The following KNL1 variants were observed in gnomAD, a reference collection of about 807,000 sequenced individuals.
KNL1 encodes the protein kinetochore scaffold 1, also known as outer kinetochore KNL1 complex subunit KNL1.
A neutral mutation model predicts 201.3 loss-of-function variants in KNL1; 66 were observed. The ratio of observed to expected loss-of-function variants is 0.33; its 90% CI spans 0.27 to 0.40. The LOEUF (loss-of-function observed/expected upper bound fraction) is 0.40. Among genes scored for constraint, KNL1 ranks in the 10% least tolerant of loss-of-function variants. The pLI, the probability that KNL1 is intolerant of heterozygous loss-of-function variation, is 1.00. For missense variants in KNL1, 2,815 were observed against 2,690.5 expected (o/e 1.05, Z -1.02); for synonymous variants, 895 against 899.2 (o/e 1.00, Z 0.08).
In KNL1 at chr15:40,624,848, A is replaced by G. The variant is rs776396431; in HGVS notation, c.4584A>G (p.Val1528=). The change falls in exon 10 of 26, where the codon GTA becomes GTG. Residue 1528 remains valine (V), a synonymous_variant. Coordinates refer to ENST00000399668, the MANE Select transcript of KNL1 (RefSeq NM_144508.5). ...TALDFHSNSD[V]TKQVIQTHVN... is the part of the protein sequence containing the mutation. ...TAGATTTCCACAGTAACTCAGACGT[A>G]ACTAAGCAAGTCATTCAAACTCATG... 11 of 1,612,810 alleles carry G rather than the reference A, an allele frequency of 6.8e-6. No homozygotes were observed. Among genetic ancestry groups the G allele is most frequent in the Non-Finnish European group, 9.3e-6 (11 of 1,179,860 alleles).
chr15:40,628,261 T>C, intron 11 of KNL1, 53 bp downstream of exon 11: 1 of 1,510,870 alleles, frequency 6.6e-7, no homozygotes, highest in Non-Finnish European at 8.9e-7. Context: ...ACTTAACTAA[T>C]AATAAGTAGT....
chr15:40,600,075 CTTT>C (rs10706832), intron 1 of KNL1, among the ~76,000 whole-genome samples: 46 of 100,142 alleles, frequency 4.6e-4, no homozygotes, highest in Non-Finnish European at 5.2e-4. Context: ...TTTGGGATTC[CTTT>C]TTTTTTTTTT....
At position 40,664,115 on chromosome 15, in the gene KNL1, T is replaced by C; in HGVS notation, c.*1927T>C. The stretch of plus-strand genomic sequence containing the variant: ...AGTCTGAAAAGTAGAGATTTTGTTT[T>C]ACGCATTTTAGTAACCTGCAACAAC... On this transcript the variant is annotated 3_prime_UTR_variant, in exon 26 of 26. Transcript: ENST00000399668. 5.4e-6 allele frequency: 1 copy of C among 184,292 alleles called. No individual in the cohort carries two copies. The highest frequency in any genetic ancestry group is 1.2e-5 in the Non-Finnish European group (1 of 86,740). The allele number at this position is 184,292 out of a possible 1,614,324, so 11.4% of individuals were successfully genotyped here. A position where few individuals can be genotyped will look rare whatever the true frequency, so the allele number is the denominator to read the frequency against.
chr15:40,622,737 A>G lies in KNL1; in HGVS notation c.2473A>G (p.Met825Val), dbSNP rs754075585. The change falls in exon 10 of 26, where the codon ATG becomes GTG. Residue 825 changes from methionine (M) to valine (V), a missense_variant. This residue lies in a region of KNL1 where 2,464 missense variants were observed against 2,291.7 expected (regional missense o/e 1.08). Coordinates refer to ENST00000399668, the MANE Select transcript of KNL1 (RefSeq NM_144508.5). ...KSGVLKSNCI[M>V]DVLEDESVQK... ...TGGAGTGCTTAAATCTAACTGTATTATGGATGTGTTAGAGGACGAAAGTGT... is the reference window on the plus strand; with the variant it reads ...TGGAGTGCTTAAATCTAACTGTATTGTGGATGTGTTAGAGGACGAAAGTGT... 3 of 1,601,834 alleles carry G rather than the reference A, an allele frequency of 1.9e-6. No homozygotes were observed. The highest frequency in any genetic ancestry group is 1.1e-5 in the South Asian group (1 of 89,206).
In KNL1 at chr15:40,621,306, G is replaced by A; in HGVS notation, c.1042G>A (p.Asp348Asn). ...AGAAAATCAAACTCAGAATGCCATG[G>A]ATGTAACAACAGGTTATGGAACTAA... The part of the protein sequence containing the change: ...EIENQTQNAM[D>N]VTTGYGTKAS... Residue 348 changes from aspartate (D) to asparagine (N), a missense_variant, in exon 10 of 26, where the codon GAT becomes AAT. Asp to Asn is a conservative substitution (Grantham distance 23). This residue lies in a region of KNL1 where 2,464 missense variants were observed against 2,291.7 expected (regional missense o/e 1.08). Coordinates refer to ENST00000399668, the MANE Select transcript of KNL1 (RefSeq NM_144508.5). 6.2e-7 allele frequency: 1 copy of A among 1,613,952 alleles called. No individual in the cohort carries two copies. Among genetic ancestry groups the A allele is most frequent in the Non-Finnish European group, 8.5e-7 (1 of 1,179,942 alleles).
At chr15:40,614,188 C>T (rs1388625095) in intron 7 of KNL1, among the ~76,000 whole-genome samples, 1 of 151,106 alleles carries the variant, frequency 6.6e-6, no homozygotes, top group African/African-American at 2.4e-5. Context: ...ACCTCCGCCT[C>T]ATGGGTTCAA....
chr15:40,641,109 A>G, intron 14 of KNL1, 82 bp downstream of exon 14: 1 of 920,926 alleles, frequency 1.1e-6, no homozygotes, highest in Non-Finnish European at 1.7e-6. Context: ...TTTGATTAGA[A>G]TAATGCTGGC....
At chr15:40,648,706 C>A (rs1004765820) in intron 17 of KNL1, among the ~76,000 whole-genome samples, 3 of 152,072 alleles carry the variant, frequency 2.0e-5, no homozygotes, top group African/African-American at 7.2e-5. Flanking sequence ...ATTATTCCAC[C>A]TTCTTCCATT....
intron 25 of KNL1, 40 bp from the exon 26 acceptor site, chr15:40,662,034 G>A (rs371107446): frequency 4.2e-5 from 52 of 1,228,126 alleles, no homozygotes; most frequent in East Asian, 1.2e-4. Context: ...GCGAGACTCC[G>A]TCGCAAAAAA....
chr15:40,610,351 T>C (rs1892113718), intron 6 of KNL1, 54 bp downstream of exon 6: 2 of 885,062 alleles, frequency 2.3e-6, no homozygotes, highest in African/African-American at 1.7e-5. Flanking sequence ...AATTTTACTG[T>C]AGCTATCTAA....
chr15:40,623,684 T>A lies in KNL1; in HGVS notation c.3420T>A (p.Thr1140=). 6.2e-7 allele frequency: 1 copy of A among 1,613,838 alleles called. No homozygotes were observed. Among genetic ancestry groups the A allele is most frequent in the South Asian group, 1.1e-5 (1 of 91,072 alleles). ...ACACAACTGCCTTAGAATGTAAAAC[T>A]CTCCTGCCAAATGAAATAGCTATTA... ...RSHTTALECK[T]LLPNEIAIRP... is the part of the protein sequence containing the mutation. Residue 1140 remains threonine (T), a synonymous_variant, in exon 10 of 26, where the codon ACT becomes ACA. Transcript: ENST00000399668.
intron 13 of KNL1, among the ~76,000 whole-genome samples, chr15:40,629,742 C>A (rs1348415921): frequency 6.6e-6 from 1 of 151,700 alleles, no homozygotes; most frequent in Non-Finnish European, 1.5e-5. Flanking sequence ...ACCTCGTGAC[C>A]CACTTGCCTC....
In KNL1 at chr15:40,655,188, C is replaced by T. The variant is rs189632543; in HGVS notation, c.6484+211C>T. Among the ~76,000 whole-genome samples the T allele has an allele frequency of 4.7e-4, 72 of 152,184 alleles. 1 individual carries two copies. In the East Asian group the frequency reaches 0.012, roughly 26 times the overall value. On this transcript the variant is annotated intron_variant, in intron 22 of 25. Transcript: ENST00000399668. ...TGGTGCCCTCCTGTAGCCCTAGCTA[C>T]TCAGGAGGCTGAGACAGGAGAATCA...
intron 13 of KNL1, among the ~76,000 whole-genome samples, chr15:40,637,403 T>C (rs772962176): frequency 6.6e-6 from 1 of 151,552 alleles, no homozygotes; most frequent in African/African-American, 2.4e-5. Context: ...CCGTTGTAAT[T>C]CCATTAGGAA....
At chr15:40,614,513 G>A (rs887779274) in intron 7 of KNL1, among the ~76,000 whole-genome samples, 1 of 152,062 alleles carries the variant, frequency 6.6e-6, no homozygotes, top group African/African-American at 2.4e-5. Flanking sequence ...GATTACAGAC[G>A]TGAGCCACCA....
chr15:40,602,068 C>G (rs199868790), intron 1 of KNL1, among the ~76,000 whole-genome samples: 2 of 148,792 alleles, frequency 1.3e-5, no homozygotes, highest in African/African-American at 2.5e-5. Context: ...CTTGCTCTTT[C>G]GCCCAGGCCG....
chr15:40,654,730 G>A (rs571755988), intron 21 of KNL1, among the ~76,000 whole-genome samples, 179 bp from the exon 22 acceptor site: 1 of 151,998 alleles, frequency 6.6e-6, no homozygotes, highest in Non-Finnish European at 1.5e-5. Flanking sequence ...TTAGCCAGGT[G>A]TGGTGGCGGG....
Position 40,623,385 on chromosome 15 carries a change from A to T in KNL1, c.3121A>T (p.Thr1041Ser). The change falls in exon 10 of 26, where the codon ACT (threonine) becomes TCT (serine). Residue 1041 changes from threonine (T) to serine (S), a missense_variant. By Grantham distance (58) the Thr-to-Ser change is moderately conservative. Around this residue, in one of 3 missense-constraint regions of KNL1, gnomAD observed 2,464 missense variants for 2,291.7 expected, o/e 1.08. Coordinates refer to ENST00000399668, the MANE Select transcript of KNL1 (RefSeq NM_144508.5). ...TAACATGGAATTGTCTAAATCAGCC[A>T]CTTGCAAAAACATCAAAGATGTACA... Reference protein sequence around the residue: ...ADNMELSKSATCKNIKDVQSP... With the variant: ...ADNMELSKSASCKNIKDVQSP... The T allele has an allele frequency of 6.2e-7, 1 of 1,614,034 alleles. No individual in the cohort carries two copies. Among genetic ancestry groups the T allele is most frequent in the South Asian group, 1.1e-5 (1 of 91,072 alleles).
Position 40,658,788 on chromosome 15 carries a change from G to T in KNL1, c.6714-551G>T, listed in dbSNP as rs111545625. ...CTACTGAAAATACAAAAATTAGCTGGGCCTGGTGGCACACACCTGTAGTCC... is the reference window on the plus strand; with the variant it reads ...CTACTGAAAATACAAAAATTAGCTGTGCCTGGTGGCACACACCTGTAGTCC... On this transcript the variant is annotated intron_variant, in intron 24 of 25. Coordinates refer to ENST00000399668, the MANE Select transcript of KNL1 (RefSeq NM_144508.5). Among the ~76,000 whole-genome samples the T allele has an allele frequency of 6.8e-3, 1,019 of 150,764 alleles. 8 individuals carry two copies. Among genetic ancestry groups the T allele is most frequent in the African/African-American group, 0.024 (979 of 41,114 alleles).
Sources: gnomAD v4.1 joint callset for allele counts (sites outside exome capture counted in the v4.1 genomes callset) on GRCh38, gnomAD v4.1.1 for gene constraint, gnomAD v4.1.1 regional missense constraint, MANE v1.5 for transcripts, NCBI Gene and HGNC (gene_info 2026-07-23, HGNC 2026-07-21) for gene names.